ZMYND8: variants seen among roughly 807,000 people sequenced by gnomAD.
The protein encoded by ZMYND8 is zinc finger MYND-type containing 8.
In ZMYND8, 37 loss-of-function variants were observed where a neutral mutation model predicts 140.8. The ratio of observed to expected loss-of-function variants is 0.26; its 90% CI spans 0.20 to 0.35. The LOEUF (loss-of-function observed/expected upper bound fraction) is 0.35. Among genes scored for constraint, ZMYND8 ranks in the 10% least tolerant of loss-of-function variants. The pLI is 1.00. For missense variants in ZMYND8, 1,068 were observed against 1,570.0 expected, an observed-to-expected ratio of 0.68 and a Z score of 5.40; for synonymous variants, 592 against 597.1, an observed-to-expected ratio of 0.99 and a Z score of 0.12.
intron 21 of ZMYND8, among the ~76,000 whole-genome samples, chr20:47,217,061 G>A (rs2036231888): frequency 6.6e-6 from 1 of 152,108 alleles, no homozygotes; most frequent in African/African-American, 2.4e-5. Context: ...AAATGGACAT[G>A]CTAGGAAAAC....
rs566322578 is a variant in ZMYND8, at chr20:47,252,494, C to T, written c.1622-3055G>A. Among the ~76,000 whole-genome samples, 3 of 152,088 alleles carry T rather than the reference C, an allele frequency of 2.0e-5. No individual in the cohort carries two copies. The East Asian group carries it at 5.8e-4, about 29-fold the overall frequency. ...GCCTTTTCAAGAATAAAGATGGAAA[C>T]GTATACTCACAAAAATACTCTCCAT... On this transcript the variant is annotated intron_variant, in intron 12 of 22. Coordinates refer to ENST00000471951, the MANE Select transcript of ZMYND8 (RefSeq NM_001281775.3).
intron 1 of ZMYND8, among the ~76,000 whole-genome samples, chr20:47,350,661 A>G (rs1005309364): frequency 3.3e-5 from 5 of 152,216 alleles, no homozygotes; most frequent in African/African-American, 1.2e-4. Context: ...AAGAAAAGGC[A>G]GCTGCATCTG....
intron 12 of ZMYND8, among the ~76,000 whole-genome samples, chr20:47,260,520 C>A (rs1251968570): frequency 1.3e-5 from 2 of 152,148 alleles, no homozygotes; most frequent in East Asian, 3.9e-4. Context: ...CCTTTAAAAT[C>A]TCTTATTCCT....
In ZMYND8 at chr20:47,245,981, A is replaced by T. The variant is rs1296659945; in HGVS notation, c.2284+27T>A. Reference sequence around the variant, plus strand: ...GGTAGGATTCTAAACCAAATTAAGAAAACTGGAAACAGATACAATCACTTA... The same window carrying T: ...GGTAGGATTCTAAACCAAATTAAGATAACTGGAAACAGATACAATCACTTA... On this transcript the variant is annotated intron_variant, in intron 14 of 22. Coordinates refer to ENST00000471951, the MANE Select transcript of ZMYND8 (RefSeq NM_001281775.3). The T allele has an allele frequency of 1.9e-6, 3 of 1,546,048 alleles. No homozygotes were observed. The African/African-American group carries it at 4.2e-5, about 21-fold the overall frequency.
intron 2 of ZMYND8, chr20:47,318,772 C>A (rs1308860390): frequency 2.1e-6 from 1 of 486,442 alleles, no homozygotes; most frequent in Non-Finnish European, 3.9e-6. Context: ...TATAAAGAAT[C>A]TCTGCAAATC....
intron 20 of ZMYND8, 118 bp downstream of exon 20, chr20:47,221,194 GCA>G (rs1311379567): frequency 9.6e-6 from 13 of 1,359,764 alleles, no homozygotes; most frequent in Non-Finnish European, 1.0e-5. Context: ...GGAAATGCCG[GCA>G]CACTGTTAGG....
chr20:47,249,091 A>G (rs2147323391), intron 13 of ZMYND8, among the ~76,000 whole-genome samples, 196 bp downstream of exon 13: 3 of 152,324 alleles, frequency 2.0e-5, no homozygotes, highest in Middle Eastern at 6.8e-3. Context: ...GATGAGTTCA[A>G]AAAGCCCTGA....
intron 21 of ZMYND8, among the ~76,000 whole-genome samples, chr20:47,214,772 G>A (rs886473172): frequency 6.6e-6 from 1 of 152,158 alleles, no homozygotes; most frequent in African/African-American, 2.4e-5. Context: ...TGGGATTATA[G>A]GCATGAGCCA....
At chr20:47,302,004 G>GAAA (rs59317824) in intron 3 of ZMYND8, among the ~76,000 whole-genome samples, 3,736 of 26,416 alleles carry the variant, frequency 0.14, 96 homozygotes, top group African/African-American at 0.47. Context: ...GCAGCCATGT[G>GAAA]AAGGACGTGT....
Position 47,331,007 on chromosome 20 carries a change from G to A in ZMYND8, c.85+16849C>T, listed in dbSNP as rs538724350. Among the ~76,000 whole-genome samples the A allele has an allele frequency of 7.2e-4, 109 of 152,210 alleles. 1 individual carries two copies. Among genetic ancestry groups the A allele is most frequent in the Non-Finnish European group, 1.2e-3 (84 of 68,046 alleles). Reference sequence around the variant, plus strand: ...TTCAAGGTATGGGCAAAGGCCCTGAGGCTTTGATGGATCTGCACAGTCAGT... The same window carrying A: ...TTCAAGGTATGGGCAAAGGCCCTGAAGCTTTGATGGATCTGCACAGTCAGT... On this transcript the variant is annotated intron_variant, in intron 2 of 22. Transcript: ENST00000471951.
At chr20:47,222,492 C>T (rs972839694) in intron 19 of ZMYND8, among the ~76,000 whole-genome samples, 7 of 151,864 alleles carry the variant, frequency 4.6e-5, no homozygotes, top group Admixed American at 2.0e-4. Flanking sequence ...GCTGAGATCG[C>T]GCCGTTGCAC....
intron 2 of ZMYND8, among the ~76,000 whole-genome samples, chr20:47,321,856 CTTTTT>C (rs60425976): frequency 1.6e-5 from 2 of 123,476 alleles, no homozygotes; most frequent in African/African-American, 6.6e-5. Flanking sequence ...ACTCGCCGCC[CTTTTT>C]TTTTTTTTTT....
At chr20:47,320,882 T>A (rs1556365848) in intron 2 of ZMYND8, 1 of 152,154 alleles carries the variant, frequency 6.6e-6, no homozygotes, top group Non-Finnish European at 1.5e-5. Context: ...GAACCAACAT[T>A]GATGCCCATA....
At chr20:47,236,810 C>A (rs536070980) in intron 15 of ZMYND8, among the ~76,000 whole-genome samples, 1 of 152,290 alleles carries the variant, frequency 6.6e-6, no homozygotes, top group East Asian at 1.9e-4. Context: ...GGCAAAAGAA[C>A]TGACAGTTTT....
chr20:47,344,995 G>A (rs1324962788), intron 2 of ZMYND8, among the ~76,000 whole-genome samples: 1 of 151,988 alleles, frequency 6.6e-6, no homozygotes, highest in Non-Finnish European at 1.5e-5. Context: ...GTGTGCACCT[G>A]TAGTCCCAGC....
In ZMYND8 at chr20:47,316,070, C is replaced by T. The variant is rs562277567; in HGVS notation, c.86-5866G>A. Among the ~76,000 whole-genome samples the T allele has an allele frequency of 7.9e-5, 12 of 152,296 alleles. No homozygotes were observed. The South Asian group carries it at 1.9e-3, about 24-fold the overall frequency. On this transcript the variant is annotated intron_variant, in intron 2 of 22. Coordinates refer to ENST00000471951, the MANE Select transcript of ZMYND8 (RefSeq NM_001281775.3). ...GCATGAGGCCGGGCACGGTGGCTCA[C>T]GCCTGTAATCCCAGCACTTTGGGAG...
intron 7 of ZMYND8, among the ~76,000 whole-genome samples, chr20:47,288,985 C>G (rs1344525646): frequency 6.6e-6 from 1 of 151,996 alleles, no homozygotes; most frequent in African/African-American, 2.4e-5. Context: ...GCCTGTAATC[C>G]CAGCTACTCG....
intron 17 of ZMYND8, among the ~76,000 whole-genome samples, chr20:47,228,725 C>G (rs1405802176): frequency 1.3e-5 from 2 of 152,220 alleles, no homozygotes; most frequent in African/African-American, 4.8e-5. Flanking sequence ...TCCTCTTCGT[C>G]TGAGCACCAG....
At chr20:47,217,168 CAGTT>C (rs1168514603) in intron 21 of ZMYND8, among the ~76,000 whole-genome samples, 2 of 152,246 alleles carry the variant, frequency 1.3e-5, no homozygotes, top group East Asian at 1.9e-4. Context: ...AGAAACAAGA[CAGTT>C]AGTAGAATTG....
Sources: allele counts gnomAD v4.1 joint callset (sites outside exome capture counted in the v4.1 genomes callset), GRCh38; gene constraint gnomAD v4.1.1; transcripts MANE v1.5; gene names NCBI Gene and HGNC (gene_info 2026-07-23, HGNC 2026-07-21).